DDX31: variants seen among roughly 807,000 people sequenced by gnomAD.
DDX31 encodes DEAD-box helicase 31, also known as ATP-dependent DNA helicase DDX31.
A neutral mutation model predicts 91.3 loss-of-function variants in DDX31; 70 were observed. The observed-to-expected ratio is 0.77, with a 90% CI of 0.63 to 0.94. DDX31 has a LOEUF of 0.94. DDX31 is among the 40% of genes least tolerant of loss of function. The pLI, the probability that DDX31 is intolerant of heterozygous loss-of-function variation, is 0.00. For missense variants in DDX31, 902 were observed against 925.0 expected (o/e 0.98, Z 0.32); for synonymous variants, 362 against 350.6 (o/e 1.03, Z -0.36).
chr9:132,644,693 C>T (rs1833711991), intron 13 of DDX31, among the ~76,000 whole-genome samples: 1 of 152,210 alleles, frequency 6.6e-6, no homozygotes, highest in African/African-American at 2.4e-5. Context: ...ATCGACGCCG[C>T]AGAATGCCTC....
At chr9:132,620,120 A>T (rs1036223416) in intron 17 of DDX31, among the ~76,000 whole-genome samples, 1 of 152,054 alleles carries the variant, frequency 6.6e-6, no homozygotes, top group Non-Finnish European at 1.5e-5. Flanking sequence ...AAATAAACAG[A>T]GCTCCAGCCC....
At chr9:132,599,603 T>C (rs996944138) in intron 19 of DDX31, among the ~76,000 whole-genome samples, 60 of 152,326 alleles carry the variant, frequency 3.9e-4, no homozygotes, top group African/African-American at 1.4e-3. Flanking sequence ...AAGCAAATGG[T>C]AGAATTTTGT....
intron 14 of DDX31, among the ~76,000 whole-genome samples, chr9:132,635,125 G>A (rs1833028148): frequency 6.6e-6 from 1 of 152,202 alleles, no homozygotes; most frequent in African/African-American, 2.4e-5. Context: ...TCAGGGTGGT[G>A]TGTGCTTCCC....
chr9:132,650,108 T>G, intron 9 of DDX31, 126 bp downstream of exon 9: 2 of 885,180 alleles, frequency 2.3e-6, no homozygotes, highest in South Asian at 1.4e-5. Flanking sequence ...TCTGTCCCTG[T>G]GCACCGGGAC....
At chr9:132,641,637 G>A (rs1486100287) in intron 14 of DDX31, among the ~76,000 whole-genome samples, 1 of 152,222 alleles carries the variant, frequency 6.6e-6, no homozygotes, top group Non-Finnish European at 1.5e-5. Flanking sequence ...TTTCCTTTAA[G>A]AAAAGGTAAG....
rs1205618408 is a variant in DDX31, at chr9:132,646,865, C to G, written c.1161G>C (p.Leu387=). The stretch of plus-strand genomic sequence containing the variant: ...TGAAGGCCGCTAGGCAGACAAGCCT[C>G]AGTTTGCTGGGAACCACAGTCACAT... ...KQHVTVVPSK[L]RLVCLAAFIL... The change falls in exon 12 of 20, where the codon CTG becomes CTC. Residue 387 remains leucine, a synonymous_variant. Coordinates refer to ENST00000372159, the MANE Select transcript of DDX31 (RefSeq NM_022779.9). The G allele has an allele frequency of 6.2e-7, 1 of 1,614,178 alleles. No homozygotes were observed. The highest frequency in any genetic ancestry group is 1.7e-5 in the Admixed American group (1 of 60,024).
In DDX31 at chr9:132,642,834, A is replaced by ATTTT. The variant is rs764596713; in HGVS notation, c.1381-775_1381-772dup. Reference sequence around the variant, plus strand: ...ATTATGGCAATTAAGGTTGTCTCTGATTTTTTTTTTTTTTTGAGACAGGGT... The same window carrying ATTTT: ...ATTATGGCAATTAAGGTTGTCTCTGATTTTTTTTTTTTTTTTTTTGAGACAGGGT... On this transcript the variant is annotated intron_variant, in intron 13 of 19. Coordinates refer to ENST00000372159, the MANE Select transcript of DDX31 (RefSeq NM_022779.9). Among the ~76,000 whole-genome samples the ATTTT allele has an allele frequency of 1.9e-4, 27 of 142,592 alleles. 1 individual carries two copies. The South Asian group carries it at 2.5e-3, about 13-fold the overall frequency. The allele number at this position is 142,592 out of a possible 152,430, so 93.5% of individuals were successfully genotyped here. A position where few individuals can be genotyped will look rare whatever the true frequency, so the allele number is the denominator to read the frequency against.
chr9:132,662,163 T>C, intron 3 of DDX31, 98 bp downstream of exon 3: 1 of 1,187,434 alleles, frequency 8.4e-7, no homozygotes, highest in East Asian at 2.5e-5. Flanking sequence ...AAACAAACAC[T>C]CTCTGATCTC....
chr9:132,650,693 T>C (rs1047035778), intron 8 of DDX31, among the ~76,000 whole-genome samples: 1 of 152,214 alleles, frequency 6.6e-6, no homozygotes, highest in African/African-American at 2.4e-5. Context: ...ATGGATCAAT[T>C]CATGATCCAA....
intron 14 of DDX31, 80 bp downstream of exon 14, chr9:132,641,924 C>T: frequency 6.7e-7 from 1 of 1,483,604 alleles, no homozygotes; most frequent in East Asian, 2.3e-5. Flanking sequence ...GACCACAGGA[C>T]AAACTGTCAA....
intron 1 of DDX31, 76 bp downstream of exon 1, chr9:132,669,784 G>C (rs1835610565): frequency 1.3e-6 from 2 of 1,520,072 alleles, no homozygotes; most frequent in East Asian, 2.4e-5. Context: ...CCGACTCCAA[G>C]GCACGGCTGC....
chr9:132,667,296 CACG>C (rs1173698591), intron 1 of DDX31, among the ~76,000 whole-genome samples: 1 of 152,064 alleles, frequency 6.6e-6, no homozygotes, highest in Non-Finnish European at 1.5e-5. Flanking sequence ...CATTCTCATT[CACG>C]ACATCAATGA....
rs1192449121 is a variant in DDX31 at position 132,646,891 on chromosome 9, G to T, written c.1135C>A (p.His379Asn). 2.5e-6 allele frequency: 4 copies of T among 1,614,182 alleles called. No individual in the cohort carries two copies. The South Asian group carries it at 3.3e-5, about 13-fold the overall frequency. ...AGTTTGCTGGGAACCACAGTCACAT[G>T]CTGCTTGAGACTCTCTGGTATTGCA... Reference protein sequence around the residue: ...SFAIPESLKQHVTVVPSKLRL... With the variant: ...SFAIPESLKQNVTVVPSKLRL... Residue 379 changes from histidine to asparagine, a missense_variant, in exon 12 of 20, where the codon CAT becomes AAT. Physicochemically the swap from His to Asn is moderately conservative, Grantham distance 68. Coordinates refer to ENST00000372159, the MANE Select transcript of DDX31 (RefSeq NM_022779.9).
In DDX31 at chr9:132,669,959, C is replaced by CA; in HGVS notation, c.-26dup. On this transcript the variant is annotated 5_prime_UTR_variant, in exon 1 of 20. Transcript: ENST00000372159. ...TGGTCTGCGTGGGTGACGCGTGGTG[C>CA]AGCAGCGAGCCCGGTGCGCAGACTG... 1 of 1,581,720 alleles carries CA rather than the reference C, an allele frequency of 6.3e-7. No homozygotes were observed. The highest frequency in any genetic ancestry group is 1.2e-5 in the South Asian group (1 of 86,728).
chr9:132,665,109 T>C (rs956904058), intron 1 of DDX31, among the ~76,000 whole-genome samples: 3 of 152,222 alleles, frequency 2.0e-5, no homozygotes, highest in African/African-American at 7.2e-5. Flanking sequence ...TCCCGTTAGA[T>C]TGTAAGCTCC....
chr9:132,656,473 T>C (rs547356387), intron 6 of DDX31, among the ~76,000 whole-genome samples: 255 of 152,326 alleles, frequency 1.7e-3, no homozygotes, highest in Admixed American at 4.2e-3. Flanking sequence ...TAAAGCATGA[T>C]GTCACCATGC....
At chr9:132,634,113 C>G (rs1832955350) in intron 14 of DDX31, among the ~76,000 whole-genome samples, 2 of 152,232 alleles carry the variant, frequency 1.3e-5, no homozygotes, top group African/African-American at 2.4e-5. Flanking sequence ...ATGATAGAGG[C>G]TCACAAAACC....
chr9:132,614,853 A>G (rs927864799), intron 18 of DDX31, among the ~76,000 whole-genome samples: 3 of 152,170 alleles, frequency 2.0e-5, no homozygotes, highest in African/African-American at 7.2e-5. Flanking sequence ...CCTTGTCCTC[A>G]AGGCTCCTGT....
chr9:132,620,374 T>C (rs1831944985), intron 17 of DDX31, among the ~76,000 whole-genome samples: 1 of 151,568 alleles, frequency 6.6e-6, no homozygotes, highest in South Asian at 2.1e-4. Context: ...GGGCTTTTCT[T>C]ATTCCCCCCT....
Sources: allele counts gnomAD v4.1 joint callset (sites outside exome capture counted in the v4.1 genomes callset), GRCh38; gene constraint gnomAD v4.1.1; transcripts MANE v1.5; gene names NCBI Gene and HGNC (gene_info 2026-07-23, HGNC 2026-07-21).